ZMYM1: variants seen among roughly 807,000 people sequenced by gnomAD.
The protein encoded by ZMYM1 is zinc finger MYM-type containing 1.
In ZMYM1, 39 loss-of-function variants were observed where a neutral mutation model predicts 60.0. The observed-to-expected ratio is 0.65, with a 90% CI of 0.50 to 0.85. The LOEUF (loss-of-function observed/expected upper bound fraction) is 0.85. Ranked by LOEUF, ZMYM1 falls within the 40% of genes least tolerant of loss-of-function variation. The pLI is 0.00. For synonymous variants in ZMYM1, 413 were observed against 454.0 expected, an observed-to-expected ratio of 0.91 and a Z score of 1.15; for missense variants, 1,171 against 1,309.5, an observed-to-expected ratio of 0.89 and a Z score of 1.63.
At chr1:35,091,909 A>AG (rs1643033077) in intron 1 of ZMYM1, among the ~76,000 whole-genome samples, 1 of 147,486 alleles carries the variant, frequency 6.8e-6, no homozygotes, top group Non-Finnish European at 1.5e-5. Context: ...AAAAAAAAAA[A>AG]GAGAAAAAGA....
rs187248070 is a variant in ZMYM1, at chr1:35,105,679, C to G, written c.807+910C>G. ...TTGGAGTGCAGTGGCAATCATGGCT[C>G]ACTGTAGCCTTGACCTCCTTAGCTC... On this transcript the variant is annotated intron_variant, in intron 6 of 9. Coordinates refer to ENST00000359858, the MANE Select transcript of ZMYM1 (RefSeq NM_024772.5). Among the ~76,000 whole-genome samples the G allele has an allele frequency of 2.0e-5, 3 of 152,166 alleles. No homozygotes were observed. In the East Asian group the frequency reaches 5.8e-4, roughly 29 times the overall value.
At chr1:35,083,669 G>A (rs1294311680) in intron 1 of ZMYM1, among the ~76,000 whole-genome samples, 1 of 152,082 alleles carries the variant, frequency 6.6e-6, no homozygotes. Context: ...AGGTTGGTGT[G>A]CAGTGGTGCG....
intron 7 of ZMYM1, 98 bp downstream of exon 7, chr1:35,110,545 G>A: frequency 1.9e-6 from 2 of 1,031,422 alleles, no homozygotes; most frequent in South Asian, 7.8e-5. Context: ...AAATTAAACC[G>A]ACTTTTAAAA....
In ZMYM1 at chr1:35,112,060, T is replaced by C. The variant is rs750462512; in HGVS notation, c.1103-27T>C. 94 of 1,608,816 alleles carry C rather than the reference T, an allele frequency of 5.8e-5. 1 individual carries two copies. The highest frequency in any genetic ancestry group is 3.3e-4 in the Middle Eastern group (2 of 6,048). The stretch of plus-strand genomic sequence containing the variant: ...ATTTTATAGGTTATAGTATATAAGA[T>C]CTTGAATTTATGCTCTATTTTAACA... On this transcript the variant is annotated intron_variant, in intron 8 of 9. Transcript: ENST00000359858.
upstream of ZMYM1, among the ~76,000 whole-genome samples, chr1:35,076,641 C>T (rs558392335): frequency 4.1e-4 from 61 of 149,122 alleles, no homozygotes; most frequent in African/African-American, 1.5e-3. Flanking sequence ...GAAAGGAAAA[C>T]AAATGAATCA....
At chr1:35,086,111 T>C (rs533068040) in intron 1 of ZMYM1, among the ~76,000 whole-genome samples, 63 of 152,336 alleles carry the variant, frequency 4.1e-4, no homozygotes, top group African/African-American at 1.5e-3. Context: ...CATGGTAAAT[T>C]GTTATCACAG....
intron 1 of ZMYM1, among the ~76,000 whole-genome samples, chr1:35,088,881 G>A (rs975429757): frequency 1.1e-4 from 15 of 141,704 alleles, no homozygotes; most frequent in African/African-American, 3.7e-4. Flanking sequence ...GCATGATCTC[G>A]GCTCACTGCA....
intron 1 of ZMYM1, among the ~76,000 whole-genome samples, chr1:35,089,229 C>T (rs925601621): frequency 1.3e-5 from 2 of 152,178 alleles, no homozygotes; most frequent in African/African-American, 4.8e-5. Flanking sequence ...TCACGTAAAC[C>T]TCATTGGCTG....
At chr1:35,093,284 T>C (rs1328361619) in intron 1 of ZMYM1, 1 of 119,352 alleles carries the variant, frequency 8.4e-6, no homozygotes. Context: ...TAGAAAGCTT[T>C]ACATTTCTTT....
At chr1:35,112,909 A>C in intron 9 of ZMYM1, 68 bp from the exon 10 acceptor site, 1 of 1,341,904 alleles carries the variant, frequency 7.5e-7, no homozygotes, top group Non-Finnish European at 9.8e-7. Context: ...TTATTAGAGT[A>C]GATATATTTG....
At chr1:35,097,173 T>A (rs754689427) in intron 3 of ZMYM1, 144 bp from the exon 4 acceptor site, 2 of 900,016 alleles carry the variant, frequency 2.2e-6, no homozygotes, top group Non-Finnish European at 3.3e-6. Context: ...TGAGCCATGA[T>A]CGTATCACTA....
chr1:35,095,964 T>A, intron 3 of ZMYM1, 73 bp downstream of exon 3: 1 of 1,131,620 alleles, frequency 8.8e-7, no homozygotes, highest in Non-Finnish European at 1.3e-6. Flanking sequence ...TTTTAATGCC[T>A]TTGAATATTG....
intron 1 of ZMYM1, among the ~76,000 whole-genome samples, chr1:35,091,004 G>T (rs568111600): frequency 1.3e-5 from 2 of 152,110 alleles, no homozygotes; most frequent in South Asian, 4.2e-4. Flanking sequence ...ATTAGATTTA[G>T]GGAGAAGAAG....
chr1:35,065,796 G>A (rs1020963353), intron 1 of ZMYM1, among the ~76,000 whole-genome samples: 12 of 151,872 alleles, frequency 7.9e-5, no homozygotes, highest in African/African-American at 2.9e-4. Flanking sequence ...TAAACCTCTA[G>A]CAAGACTGAT....
chr1:35,095,230 C>T, intron 2 of ZMYM1, among the ~76,000 whole-genome samples: 1 of 151,802 alleles, frequency 6.6e-6, no homozygotes, highest in Admixed American at 6.6e-5. Context: ...GCAGGGAAGG[C>T]TGGGTGTGGT....
chr1:35,108,911 T>C (rs1023781851), intron 6 of ZMYM1, among the ~76,000 whole-genome samples: 2 of 152,006 alleles, frequency 1.3e-5, no homozygotes, highest in African/African-American at 4.8e-5. Context: ...GGTCTCACTT[T>C]GCTGCCTAGG....
chr1:35,092,789 A>G (rs528526397), intron 1 of ZMYM1, among the ~76,000 whole-genome samples: 4 of 151,646 alleles, frequency 2.6e-5, no homozygotes, highest in Non-Finnish European at 5.9e-5. Flanking sequence ...CACCAAGCCT[A>G]ATTTTTTGTA....
Position 35,114,242 on chromosome 1 carries a change from A to T in ZMYM1, c.2412A>T (p.Ile804=), listed in dbSNP as rs1644193918. 3.1e-6 allele frequency: 5 copies of T among 1,613,734 alleles called. No individual in the cohort carries two copies. The East Asian group carries it at 1.1e-4, about 36-fold the overall frequency. The change falls in exon 10 of 10, where the codon ATA becomes ATT. Residue 804 remains isoleucine (I), a synonymous_variant. Coordinates refer to ENST00000359858, the MANE Select transcript of ZMYM1 (RefSeq NM_024772.5). The part of the protein sequence containing the change: ...LSQNKTCKKH[I]SQSCWTVHDR... ...AAAACAAAACATGCAAGAAACATATATCACAATCATGTTGGACAGTCCATG... is the reference window on the plus strand; with the variant it reads ...AAAACAAAACATGCAAGAAACATATTTCACAATCATGTTGGACAGTCCATG...
chr1:35,109,593 C>T (rs748081053), intron 6 of ZMYM1, among the ~76,000 whole-genome samples: 12 of 152,162 alleles, frequency 7.9e-5, no homozygotes, highest in Non-Finnish European at 1.2e-4. Context: ...AAGTTAAGCA[C>T]TCCTTCCTGG....
Sources: allele counts gnomAD v4.1 joint callset (sites outside exome capture counted in the v4.1 genomes callset), GRCh38; gene constraint gnomAD v4.1.1; transcripts MANE v1.5; gene names NCBI Gene and HGNC (gene_info 2026-07-23, HGNC 2026-07-21).